TTYH2: variants seen among roughly 807,000 people sequenced by gnomAD.
The protein encoded by TTYH2 is protein tweety homolog 2.
A neutral mutation model predicts 68.3 loss-of-function variants in TTYH2; 49 were observed. The observed-to-expected ratio is 0.72, with a 90% CI of 0.57 to 0.91. The LOEUF is 0.91. TTYH2 is among the 40% of genes least tolerant of loss of function. The pLI is 0.00. For missense variants in TTYH2, 631 were observed against 700.4 expected, an observed-to-expected ratio of 0.90 and a Z score of 1.12; for synonymous variants, 272 against 300.8, an observed-to-expected ratio of 0.90 and a Z score of 0.99.
At chr17:74,259,742 G>A (rs1172997041) in intron 13 of TTYH2, among the ~76,000 whole-genome samples, 13 of 152,128 alleles carry the variant, frequency 8.5e-5, no homozygotes. Flanking sequence ...AAAGGCTGGA[G>A]AACCTAAGCC....
chr17:74,260,047 C>T lies in TTYH2; in HGVS notation c.1525-82C>T, dbSNP rs1270699365. The T allele has an allele frequency of 7.7e-6, 10 of 1,306,686 alleles. No individual in the cohort carries two copies. The African/African-American group carries it at 1.2e-4, about 16-fold the overall frequency. 80.9% of individuals were successfully genotyped at this position (1,306,686 alleles called of 1,614,324 possible). On this transcript the variant is annotated intron_variant, in intron 13 of 13. Coordinates refer to ENST00000269346, the MANE Select transcript of TTYH2 (RefSeq NM_032646.6). The stretch of plus-strand genomic sequence containing the variant: ...CCCTCTGACACCCGACCCAGTTCCA[C>T]TCTGAGAAGTCCCCGGCACCTTTGC...
rs2050199283 is a variant in TTYH2, at chr17:74,214,145, C to A, written c.129+429C>A. On this transcript the variant is annotated intron_variant, in intron 1 of 13. Coordinates refer to ENST00000269346, the MANE Select transcript of TTYH2 (RefSeq NM_032646.6). The surrounding 1 kb of genome is among the most constrained non-coding windows in gnomAD (Gnocchi z 4.6). ...CTGAGATTCCAAGATGGGGCGCTCT[C>A]TTTCCGGGGCTGAGTGGCCTAGGAA... is the stretch of plus-strand genomic sequence containing the variant. Among the ~76,000 whole-genome samples the A allele has an allele frequency of 6.6e-6, 1 of 152,176 alleles. No individual in the cohort carries two copies. Among genetic ancestry groups the A allele is most frequent in the East Asian group, 1.9e-4 (1 of 5,180 alleles).
intron 6 of TTYH2, among the ~76,000 whole-genome samples, chr17:74,247,105 C>T (rs2050565856): frequency 6.6e-6 from 1 of 151,014 alleles, no homozygotes; most frequent in African/African-American, 2.4e-5. Flanking sequence ...TTGCTTGAAC[C>T]CGGGAGGTGG....
intron 3 of TTYH2, among the ~76,000 whole-genome samples, chr17:74,234,177 G>A (rs541840886): frequency 6.6e-6 from 1 of 152,346 alleles, no homozygotes; most frequent in Non-Finnish European, 1.5e-5. Context: ...CTGGGGCAGG[G>A]CTGAGAGCTT....
intron 13 of TTYH2, chr17:74,257,001 C>A (rs1194451023): frequency 1.3e-5 from 2 of 152,200 alleles, no homozygotes; most frequent in East Asian, 1.9e-4. Context: ...TAATCAGAAG[C>A]CTCCCGGGTT....
At chr17:74,226,748 C>T (rs896329556) in intron 2 of TTYH2, among the ~76,000 whole-genome samples, 1 of 152,048 alleles carries the variant, frequency 6.6e-6, no homozygotes, top group African/African-American at 2.4e-5. Context: ...CCTCTTTGTT[C>T]TCCTCTATTA....
chr17:74,234,738 G>T (rs998991086), intron 3 of TTYH2, among the ~76,000 whole-genome samples: 1 of 152,138 alleles, frequency 6.6e-6, no homozygotes, highest in Admixed American at 6.5e-5. Flanking sequence ...TGGCCTCACA[G>T]AAAAAGTTTA....
At chr17:74,256,505 C>T (rs1352758783) in intron 13 of TTYH2, among the ~76,000 whole-genome samples, 3 of 152,186 alleles carry the variant, frequency 2.0e-5, no homozygotes, top group African/African-American at 7.2e-5. Context: ...GTGCCACCAC[C>T]TTGGTGCTTT....
In TTYH2 at chr17:74,249,006, C is replaced by T; in HGVS notation, c.805-5C>T. ...CTCCACCCCGTCCCTCTCTCCCTCA[C>T]TCAGGCCACCAGTGACTTCTGTGTG... On this transcript the variant is annotated splice_polypyrimidine_tract_variant and splice_region_variant and intron_variant, in intron 6 of 13. Transcript: ENST00000269346. The T allele has an allele frequency of 6.2e-7, 1 of 1,614,154 alleles. No homozygotes were observed. The highest frequency in any genetic ancestry group is 8.5e-7 in the Non-Finnish European group (1 of 1,180,004).
intron 2 of TTYH2, among the ~76,000 whole-genome samples, chr17:74,228,279 T>C (rs7224925): frequency 0.13 from 20,327 of 152,074 alleles, 4,217 homozygotes; most frequent in African/African-American, 0.44. Context: ...CCACTGCGCC[T>C]GGTAGGAGGT....
chr17:74,221,957 G>A (rs533134261), intron 1 of TTYH2, among the ~76,000 whole-genome samples: 74 of 152,216 alleles, frequency 4.9e-4, no homozygotes, highest in Non-Finnish European at 9.4e-4. Flanking sequence ...GCCTGGGACA[G>A]CGGGGTCCTT....
At position 74,222,062 on chromosome 17, in the gene TTYH2, C is replaced by T. The variant is rs988790465; in HGVS notation, c.130-423C>T. ...GGCCTCTGGGTACTCTGGTCTTGGACGGTATCCCTCTCCTTGCCTTTTTCC... is the reference window on the plus strand; with the variant it reads ...GGCCTCTGGGTACTCTGGTCTTGGATGGTATCCCTCTCCTTGCCTTTTTCC... On this transcript the variant is annotated intron_variant, in intron 1 of 13. Transcript: ENST00000269346. The surrounding 1 kb of genome is among the most constrained non-coding windows in gnomAD (Gnocchi z 5.2). Among the ~76,000 whole-genome samples the T allele has an allele frequency of 6.6e-6, 1 of 152,246 alleles. No individual in the cohort carries two copies. Among genetic ancestry groups the T allele is most frequent in the Non-Finnish European group, 1.5e-5 (1 of 68,012 alleles).
chr17:74,213,833 G>T lies in TTYH2; in HGVS notation c.129+117G>T. 1 of 1,327,272 alleles carries T rather than the reference G, an allele frequency of 7.5e-7. No individual in the cohort carries two copies. Among genetic ancestry groups the T allele is most frequent in the Non-Finnish European group, 1.0e-6 (1 of 973,702 alleles). The allele number at this position is 1,327,272 out of a possible 1,614,324, so 82.2% of individuals were successfully genotyped here. A position where few individuals can be genotyped will look rare whatever the true frequency, so the allele number is the denominator to read the frequency against. The stretch of plus-strand genomic sequence containing the variant: ...CCTCTCAGACCCCTTCTCTCCCCGC[G>T]CAGCCCTTTCCCGTCTCCCCTCTCC... On this transcript the variant is annotated intron_variant, in intron 1 of 13. Transcript: ENST00000269346. This position sits in a 1 kb window ranked among gnomAD's most constrained non-coding sequence, Gnocchi z 6.1.
chr17:74,219,863 G>A (rs964425016), intron 1 of TTYH2, among the ~76,000 whole-genome samples: 6 of 152,150 alleles, frequency 3.9e-5, no homozygotes, highest in African/African-American at 1.4e-4. Context: ...GCTGTGTGAA[G>A]CTGCTGTGAA....
rs966622326 is a variant in TTYH2 at position 74,222,404 on chromosome 17, C to T, written c.130-81C>T. The T allele has an allele frequency of 1.2e-5, 18 of 1,470,910 alleles. No homozygotes were observed. The Middle Eastern group carries it at 6.1e-4, about 50-fold the overall frequency. 91.1% of individuals were successfully genotyped at this position (1,470,910 alleles called of 1,614,324 possible). A position where few individuals can be genotyped will look rare whatever the true frequency, so the allele number is the denominator to read the frequency against. Reference sequence around the variant, plus strand: ...GAGATGCAGCTCAGGCAGTGGGGCACTCAGGGCCCAAGGGCAGGGCACTTC... The same window carrying T: ...GAGATGCAGCTCAGGCAGTGGGGCATTCAGGGCCCAAGGGCAGGGCACTTC... On this transcript the variant is annotated intron_variant, in intron 1 of 13. Transcript: ENST00000269346. The surrounding 1 kb of genome is among the most constrained non-coding windows in gnomAD (Gnocchi z 5.2).
rs1368361689 is a variant in TTYH2, at chr17:74,217,720, G to T, written c.129+4004G>T. Among the ~76,000 whole-genome samples, 2 of 152,162 alleles carry T rather than the reference G, an allele frequency of 1.3e-5. No homozygotes were observed. Among genetic ancestry groups the T allele is most frequent in the East Asian group, 1.9e-4 (1 of 5,184 alleles). On this transcript the variant is annotated intron_variant, in intron 1 of 13. Coordinates refer to ENST00000269346, the MANE Select transcript of TTYH2 (RefSeq NM_032646.6). The surrounding 1 kb of genome is among the most constrained non-coding windows in gnomAD (Gnocchi z 4.0). The stretch of plus-strand genomic sequence containing the variant: ...CACACCTCTCTCTATGTCTTCTGGG[G>T]CCAGGGCTGTTGCCCCCTCCCCTGC...
At position 74,222,519 on chromosome 17, in the gene TTYH2, G is replaced by T. The variant is rs570707156; in HGVS notation, c.164G>T (p.Cys55Phe). 3 of 1,611,730 alleles carry T rather than the reference G, an allele frequency of 1.9e-6. No individual in the cohort carries two copies. The Admixed American group carries it at 5.0e-5, about 27-fold the overall frequency. Reference protein sequence around the residue: ...LLFLGLVAAVCLGLNLIFLVA... With the variant: ...LLFLGLVAAVFLGLNLIFLVA... ...TTCCTGGGGCTGGTGGCCGCCGTCT[G>T]CCTGGGCCTGAACCTCATCTTCCTT... is the stretch of plus-strand genomic sequence containing the variant. Residue 55 changes from cysteine to phenylalanine, a missense_variant, in exon 2 of 14, where the codon TGC becomes TTC. Coordinates refer to ENST00000269346, the MANE Select transcript of TTYH2 (RefSeq NM_032646.6). The surrounding 1 kb of genome is among the most constrained non-coding windows in gnomAD (Gnocchi z 5.2).
chr17:74,243,896 G>C (rs1299094137), intron 5 of TTYH2, 81 bp from the exon 6 acceptor site: 2 of 1,364,038 alleles, frequency 1.5e-6, no homozygotes, highest in Non-Finnish European at 2.0e-6. Flanking sequence ...CATTGCAAGG[G>C]TCTGGGGGCA....
At chr17:74,255,570 G>A (rs1173981373) in intron 13 of TTYH2, among the ~76,000 whole-genome samples, 1 of 152,028 alleles carries the variant, frequency 6.6e-6, no homozygotes, top group African/African-American at 2.4e-5. Context: ...TCCTGCCTCA[G>A]CCTCCCTACT....
Sources: allele counts gnomAD v4.1 joint callset (sites outside exome capture counted in the v4.1 genomes callset), GRCh38; gene constraint gnomAD v4.1.1; non-coding constraint Gnocchi (gnomAD v3.1); transcripts MANE v1.5; gene names NCBI Gene and HGNC (gene_info 2026-07-23, HGNC 2026-07-21).